The following PTPRK variants were observed in gnomAD, a reference collection of about 807,000 sequenced individuals.
PTPRK encodes protein tyrosine phosphatase receptor type K, also known as receptor-type tyrosine-protein phosphatase kappa.
PTPRK carries 75 observed loss-of-function variants against 178.0 expected under a neutral mutation model. That is an observed-to-expected ratio of 0.42 (90% CI 0.35 to 0.51). The LOEUF is 0.51. PTPRK is among the 20% of genes least tolerant of loss of function. The pLI, the probability that PTPRK is intolerant of heterozygous loss-of-function variation, is 0.02. For synonymous variants in PTPRK, 637 were observed against 620.6 expected (o/e 1.03, Z -0.39); for missense variants, 1,441 against 1,797.8 (o/e 0.80, Z 3.59).
chr6:128,323,198 A>G (rs997077795), intron 2 of PTPRK, among the ~76,000 whole-genome samples: 1 of 152,100 alleles, frequency 6.6e-6, no homozygotes, highest in African/African-American at 2.4e-5. Flanking sequence ...ATTGCAGACA[A>G]AGGCCACACA....
intron 3 of PTPRK, among the ~76,000 whole-genome samples, chr6:128,254,758 C>T (rs989416674): frequency 2.0e-5 from 3 of 151,420 alleles, no homozygotes; most frequent in African/African-American, 4.9e-5. Context: ...AAGAAGGAAA[C>T]GACATCCTTT....
chr6:128,329,065 A>T (rs1044834486), intron 2 of PTPRK, among the ~76,000 whole-genome samples: 1 of 152,160 alleles, frequency 6.6e-6, no homozygotes, highest in Non-Finnish European at 1.5e-5. Context: ...GACCTCATGG[A>T]TCACCTGAAA....
intron 7 of PTPRK, among the ~76,000 whole-genome samples, chr6:128,141,718 G>A (rs1295136340): frequency 1.3e-5 from 2 of 151,904 alleles, no homozygotes; most frequent in Non-Finnish European, 2.9e-5. Flanking sequence ...TTGATAGCAA[G>A]AGCATTTTAT....
intron 13 of PTPRK, among the ~76,000 whole-genome samples, chr6:128,038,025 T>C (rs376872577): frequency 6.6e-6 from 1 of 152,216 alleles, no homozygotes; most frequent in Non-Finnish European, 1.5e-5. Flanking sequence ...ACAGTATATA[T>C]AGCTTAGATG....
intron 6 of PTPRK, among the ~76,000 whole-genome samples, chr6:128,202,727 C>A (rs1806196706): frequency 6.6e-6 from 1 of 152,084 alleles, no homozygotes; most frequent in African/African-American, 2.4e-5. Context: ...CCTGGATAGA[C>A]CAATGACAAA....
At chr6:128,402,659 C>T (rs1841181640) in intron 1 of PTPRK, among the ~76,000 whole-genome samples, 1 of 152,062 alleles carries the variant, frequency 6.6e-6, no homozygotes, top group African/African-American at 2.4e-5. Context: ...ACTGAAGGTA[C>T]AAAATAAAAA....
intron 3 of PTPRK, among the ~76,000 whole-genome samples, chr6:128,251,742 T>C (rs1816491692): frequency 6.6e-6 from 1 of 152,206 alleles, no homozygotes; most frequent in African/African-American, 2.4e-5. Context: ...CTGTAATTAA[T>C]ATTACAGTGA....
intron 18 of PTPRK, among the ~76,000 whole-genome samples, chr6:127,993,665 C>A (rs1402893104): frequency 6.6e-6 from 1 of 151,438 alleles, no homozygotes; most frequent in African/African-American, 2.4e-5. Context: ...TTTTAATATA[C>A]CACAATGTTT....
intron 13 of PTPRK, among the ~76,000 whole-genome samples, chr6:128,061,330 G>GA (rs1007366571): frequency 6.6e-6 from 1 of 151,948 alleles, no homozygotes; most frequent in African/African-American, 2.4e-5. Context: ...AAAAAAATGA[G>GA]AAAAAAAGCA....
At chr6:128,014,247 C>G (rs1189911158) in intron 13 of PTPRK, among the ~76,000 whole-genome samples, 1 of 151,556 alleles carries the variant, frequency 6.6e-6, no homozygotes, top group Non-Finnish European at 1.5e-5. Flanking sequence ...AAATTTCAAG[C>G]CCCTTTGTTA....
intron 7 of PTPRK, among the ~76,000 whole-genome samples, chr6:128,183,811 GT>G (rs1802319451): frequency 2.0e-5 from 3 of 148,074 alleles, no homozygotes; most frequent in Non-Finnish European, 4.5e-5. Flanking sequence ...CATTTTTTTT[GT>G]GTTTTCTCCA....
At chr6:127,992,538 G>A in intron 19 of PTPRK, 135 bp downstream of exon 19, 2 of 639,922 alleles carry the variant, frequency 3.1e-6, no homozygotes, top group Non-Finnish European at 5.4e-6. Flanking sequence ...CTATACAAAT[G>A]AGTAAGGAGC....
intron 7 of PTPRK, among the ~76,000 whole-genome samples, chr6:128,178,585 T>C (rs184998608): frequency 3.3e-5 from 5 of 152,030 alleles, no homozygotes; most frequent in Non-Finnish European, 1.5e-5. Flanking sequence ...TTATTATGAA[T>C]GATAATATTT....
chr6:128,404,551 C>G (rs1841425474), intron 1 of PTPRK, among the ~76,000 whole-genome samples: 1 of 152,178 alleles, frequency 6.6e-6, no homozygotes, highest in Admixed American at 6.5e-5. Flanking sequence ...TCCATTGTAG[C>G]AGGGGATCCC....
intron 2 of PTPRK, among the ~76,000 whole-genome samples, chr6:128,351,699 G>T (rs1441638412): frequency 6.6e-6 from 1 of 152,096 alleles, no homozygotes; most frequent in Non-Finnish European, 1.5e-5. Context: ...ATGAAATCGT[G>T]CAATGAAACT....
At chr6:128,158,408 A>G (rs1423449664) in intron 7 of PTPRK, among the ~76,000 whole-genome samples, 2 of 151,982 alleles carry the variant, frequency 1.3e-5, no homozygotes, top group South Asian at 2.1e-4. Context: ...TTAAAGTATA[A>G]TAATAAAGAA....
Position 128,060,087 on chromosome 6 carries a change from A to G in PTPRK, c.2194+4671T>C, listed in dbSNP as rs537060725. On this transcript the variant is annotated intron_variant, in intron 13 of 29. Transcript: ENST00000368226. The stretch of plus-strand genomic sequence containing the variant: ...GCAGAGAGAGAGGTTCCGGGGTCCA[A>G]TGTGAAGTGAATTAAGATGAAATCA... Among the ~76,000 whole-genome samples, 7 of 152,244 alleles carry G rather than the reference A, an allele frequency of 4.6e-5. No homozygotes were observed. The South Asian group carries it at 8.3e-4, about 18-fold the overall frequency.
At chr6:128,283,659 T>C (rs1170955873) in intron 3 of PTPRK, among the ~76,000 whole-genome samples, 1 of 152,062 alleles carries the variant, frequency 6.6e-6, no homozygotes, top group Non-Finnish European at 1.5e-5. Context: ...ATAGAAGCAA[T>C]GCACATATTC....
At chr6:128,027,434 G>A (rs1774497509) in intron 13 of PTPRK, among the ~76,000 whole-genome samples, 2 of 151,984 alleles carry the variant, frequency 1.3e-5, no homozygotes, top group Admixed American at 6.5e-5. Flanking sequence ...AGTTCAAAGA[G>A]TCCTTCAGGA....
Sources: allele counts gnomAD v4.1 joint callset (sites outside exome capture counted in the v4.1 genomes callset), GRCh38; gene constraint gnomAD v4.1.1; transcripts MANE v1.5; gene names NCBI Gene and HGNC (gene_info 2026-07-23, HGNC 2026-07-21).